Variants in PRKN observed in about 807,000 individuals in gnomAD.
PRKN encodes the protein parkin RBR E3 ubiquitin protein ligase, also known as E3 ubiquitin-protein ligase parkin.
Under a neutral mutation model 59.5 loss-of-function variants are expected in PRKN, and 56 were observed. That is an observed-to-expected ratio of 0.94 (90% CI 0.76 to 1.18). PRKN has a LOEUF of 1.18. Ranked by LOEUF, PRKN falls within the 50% of genes most tolerant of loss-of-function variation. The pLI is 0.00. For synonymous variants in PRKN, 250 were observed against 222.1 expected (o/e 1.13, Z -1.12); for missense variants, 657 against 596.4 (o/e 1.10, Z -1.06).
At chr6:162,687,135 T>C (rs577341567) in intron 1 of PRKN, among the ~76,000 whole-genome samples, 1 of 152,150 alleles carries the variant, frequency 6.6e-6, no homozygotes, top group Non-Finnish European at 1.5e-5. Flanking sequence ...GATGGTCGTT[T>C]TAACAATATT....
chr6:162,436,128 A>T (rs1359760617), intron 2 of PRKN, among the ~76,000 whole-genome samples: 1 of 140,738 alleles, frequency 7.1e-6, no homozygotes, highest in East Asian at 2.2e-4. Flanking sequence ...GTGAGCCAAG[A>T]TCATGCTATT....
intron 4 of PRKN, among the ~76,000 whole-genome samples, chr6:162,186,360 G>A (rs1020533084): frequency 6.6e-6 from 1 of 150,786 alleles, no homozygotes; most frequent in African/African-American, 2.4e-5. Flanking sequence ...CAAGCAGAAA[G>A]TACATCCTTT....
At chr6:162,393,460 G>A (rs527895005) in intron 2 of PRKN, among the ~76,000 whole-genome samples, 2 of 152,024 alleles carry the variant, frequency 1.3e-5, no homozygotes, top group East Asian at 1.9e-4. Context: ...ATACCCGGCC[G>A]AGGCTAGGAG....
In PRKN at chr6:161,530,152, C is replaced by G. The variant is rs1295745201; in HGVS notation, c.1083+18702G>C. 6.6e-6 allele frequency among the ~76,000 whole-genome samples: 1 copy of G among 152,192 alleles called. No individual in the cohort carries two copies. The highest frequency in any genetic ancestry group is 2.4e-5 in the African/African-American group (1 of 41,460). On this transcript the variant is annotated intron_variant, in intron 9 of 11. Coordinates refer to ENST00000366898, the MANE Select transcript of PRKN (RefSeq NM_004562.3). This position sits in a 1 kb window ranked among gnomAD's most constrained non-coding sequence, Gnocchi z 5.0. ...CACTTAAATGGACACTTCTCAAACT[C>G]TCCCTCACAGGTGTTCCTGGACAGC... is the stretch of plus-strand genomic sequence containing the variant.
chr6:162,212,595 T>G (rs1265008311), intron 3 of PRKN, among the ~76,000 whole-genome samples: 1 of 152,208 alleles, frequency 6.6e-6, no homozygotes, highest in Admixed American at 6.5e-5. Flanking sequence ...CTTCATTGCC[T>G]CTATAAAAGG....
intron 2 of PRKN, among the ~76,000 whole-genome samples, chr6:162,393,101 T>C (rs555693128): frequency 6.6e-6 from 1 of 150,586 alleles, no homozygotes; most frequent in South Asian, 2.1e-4. Context: ...AATCATGTGC[T>C]ACCATTTAAA....
At chr6:162,079,690 C>T (rs945685128) in intron 4 of PRKN, among the ~76,000 whole-genome samples, 2 of 152,028 alleles carry the variant, frequency 1.3e-5, no homozygotes, top group Admixed American at 1.3e-4. Context: ...CTCTCTCCAC[C>T]CACCTTATTG....
chr6:161,878,946 C>T (rs1794830286), intron 6 of PRKN, among the ~76,000 whole-genome samples: 1 of 152,194 alleles, frequency 6.6e-6, no homozygotes, highest in Non-Finnish European at 1.5e-5. Context: ...TATCAATTTA[C>T]ACTTCTACAG....
At chr6:161,430,537 C>T (rs973360103) in intron 9 of PRKN, among the ~76,000 whole-genome samples, 19 of 152,170 alleles carry the variant, frequency 1.2e-4, no homozygotes, top group African/African-American at 2.2e-4. Flanking sequence ...CTGAATGGGC[C>T]GGGCGTGGTG....
chr6:162,509,712 T>C (rs532263155), intron 1 of PRKN, among the ~76,000 whole-genome samples: 83 of 152,354 alleles, frequency 5.4e-4, no homozygotes, highest in African/African-American at 1.9e-3. Flanking sequence ...AGCAGTATTT[T>C]ACGCAGACAC....
chr6:162,403,888 T>C (rs923875183), intron 2 of PRKN, among the ~76,000 whole-genome samples: 3 of 152,180 alleles, frequency 2.0e-5, no homozygotes, highest in African/African-American at 7.2e-5. Context: ...TAAAAAGCTA[T>C]GCAAGTTTTT....
intron 3 of PRKN, among the ~76,000 whole-genome samples, chr6:162,228,134 T>A (rs1290369807): frequency 6.6e-6 from 1 of 152,186 alleles, no homozygotes; most frequent in African/African-American, 2.4e-5. Context: ...CAAGAGGGAT[T>A]GAACCACGTA....
intron 1 of PRKN, among the ~76,000 whole-genome samples, chr6:162,454,683 A>G (rs1790781104): frequency 1.3e-5 from 2 of 152,182 alleles, no homozygotes; most frequent in Admixed American, 1.3e-4. Flanking sequence ...GTTCCTTCAA[A>G]CAGATATGTC....
At chr6:161,847,530 T>C (rs1793250234) in intron 6 of PRKN, among the ~76,000 whole-genome samples, 1 of 152,176 alleles carries the variant, frequency 6.6e-6, no homozygotes, top group Non-Finnish European at 1.5e-5. Context: ...AAGAGGATTA[T>C]TGTGCAGCAA....
chr6:162,225,111 G>GACA (rs1426304555), intron 3 of PRKN, among the ~76,000 whole-genome samples: 5 of 152,302 alleles, frequency 3.3e-5, no homozygotes, highest in African/African-American at 1.2e-4. Context: ...TAACATGGTA[G>GACA]ACAGCAACAC....
At position 161,863,700 on chromosome 6, in the gene PRKN, G is replaced by A. The variant is rs139164005; in HGVS notation, c.735-77792C>T. On this transcript the variant is annotated intron_variant, in intron 6 of 11. Coordinates refer to ENST00000366898, the MANE Select transcript of PRKN (RefSeq NM_004562.3). ...CCTCTACTCCAGGTGGAAAGTCACAGGGTGGGAGGGCAGGCTTGAGATCCA... is the reference window on the plus strand; with the variant it reads ...CCTCTACTCCAGGTGGAAAGTCACAAGGTGGGAGGGCAGGCTTGAGATCCA... 3.8e-3 allele frequency among the ~76,000 whole-genome samples: 584 copies of A among 152,236 alleles called. 3 individuals are homozygous for A. Among genetic ancestry groups the A allele is most frequent in the African/African-American group, 0.013 (539 of 41,540 alleles).
At chr6:162,403,164 C>A (rs140225601) in intron 2 of PRKN, among the ~76,000 whole-genome samples, 152 of 152,290 alleles carry the variant, frequency 1.0e-3, no homozygotes, top group African/African-American at 3.4e-3. Context: ...ACGTGAAATT[C>A]TTTCAACTCA....
intron 7 of PRKN, among the ~76,000 whole-genome samples, chr6:161,735,309 T>C (rs1787918197): frequency 6.6e-6 from 1 of 152,128 alleles, no homozygotes; most frequent in Admixed American, 6.5e-5. Context: ...CTACCCAACA[T>C]AAAGACGATA....
At chr6:161,871,756 G>A (rs1257060098) in intron 6 of PRKN, among the ~76,000 whole-genome samples, 1 of 152,112 alleles carries the variant, frequency 6.6e-6, no homozygotes, top group Non-Finnish European at 1.5e-5. Flanking sequence ...ATATGGATAG[G>A]AAATCAAACA....
Sources: gnomAD v4.1 joint callset for allele counts (sites outside exome capture counted in the v4.1 genomes callset) on GRCh38, gnomAD v4.1.1 for gene constraint, Gnocchi (gnomAD v3.1) non-coding constraint, MANE v1.5 for transcripts, NCBI Gene and HGNC (gene_info 2026-07-23, HGNC 2026-07-21) for gene names.